Variants in SPIN1 observed in about 807,000 individuals in gnomAD.
The protein encoded by SPIN1 is spindlin-1.
In SPIN1, 3 loss-of-function variants were observed where a neutral mutation model predicts 26.0. The ratio of observed to expected loss-of-function variants is 0.12; its 90% CI spans 0.05 to 0.30. The LOEUF (loss-of-function observed/expected upper bound fraction) is 0.30, where lower values mean the gene tolerates loss of function less well. SPIN1 is among the 10% of genes least tolerant of loss of function. The pLI is 1.00. For synonymous variants in SPIN1, 101 were observed against 116.5 expected (o/e 0.87, Z 0.86); for missense variants, 126 against 333.4 (o/e 0.38, Z 4.84).
At position 88,398,378 on chromosome 9, in the gene SPIN1, T is replaced by G. The variant is rs139104694; in HGVS notation, c.-159+9840T>G. On this transcript the variant is annotated intron_variant, in intron 1 of 5. Transcript: ENST00000375859. ...GTTTTCCCACAAAGGCTGAGTTTCATGAAAGCAGAACCATTCCTGTTTTTG... is the reference window on the plus strand; with the variant it reads ...GTTTTCCCACAAAGGCTGAGTTTCAGGAAAGCAGAACCATTCCTGTTTTTG... Among the ~76,000 whole-genome samples the G allele has an allele frequency of 2.4e-3, 358 of 152,258 alleles. 1 individual carries two copies. Among genetic ancestry groups the G allele is most frequent in the African/African-American group, 8.2e-3 (339 of 41,582 alleles).
At chr9:88,399,928 C>G (rs1232452306) in intron 1 of SPIN1, among the ~76,000 whole-genome samples, 1 of 152,118 alleles carries the variant, frequency 6.6e-6, no homozygotes, top group Non-Finnish European at 1.5e-5. Flanking sequence ...TGGGTGAGAT[C>G]ATTGATTGGT....
At chr9:88,393,992 C>T (rs568472678) in intron 1 of SPIN1, among the ~76,000 whole-genome samples, 1 of 152,046 alleles carries the variant, frequency 6.6e-6, no homozygotes, top group African/African-American at 2.4e-5. Flanking sequence ...GGATTACAGG[C>T]GTGCACCACC....
At chr9:88,469,831 TGTTAGTCCATATA>T (rs1372281397) in intron 5 of SPIN1, among the ~76,000 whole-genome samples, 8 of 152,168 alleles carry the variant, frequency 5.3e-5, no homozygotes, top group Non-Finnish European at 1.0e-4. Context: ...ATTACGACCA[TGTTAGTCCATATA>T]GTTAGTCCAT....
chr9:88,453,951 A>G (rs952092308), intron 3 of SPIN1, among the ~76,000 whole-genome samples: 8 of 152,238 alleles, frequency 5.3e-5, no homozygotes, highest in Non-Finnish European at 8.8e-5. Context: ...AAACTACAAG[A>G]AAAGTTTTTT....
chr9:88,451,861 TA>T (rs1828359826), intron 3 of SPIN1, among the ~76,000 whole-genome samples: 1 of 152,168 alleles, frequency 6.6e-6, no homozygotes, highest in Non-Finnish European at 1.5e-5. Context: ...GTGCCCAGCC[TA>T]AAAGTACATC....
chr9:88,454,545 T>TAAA (rs753891366), intron 3 of SPIN1, among the ~76,000 whole-genome samples: 4 of 152,244 alleles, frequency 2.6e-5, no homozygotes, highest in Non-Finnish European at 5.9e-5. Flanking sequence ...GAAATTAAAA[T>TAAA]TTCTTTTAGG....
chr9:88,400,691 C>A (rs1827166958), intron 1 of SPIN1, among the ~76,000 whole-genome samples: 1 of 152,120 alleles, frequency 6.6e-6, no homozygotes, highest in African/African-American at 2.4e-5. Context: ...ACTAAAAATA[C>A]AAAAATTAAG....
chr9:88,453,557 A>G (rs552641362), intron 3 of SPIN1, among the ~76,000 whole-genome samples: 8 of 150,356 alleles, frequency 5.3e-5, no homozygotes, highest in Non-Finnish European at 1.2e-4. Flanking sequence ...TTTTACCGAG[A>G]TGGAGTTTTG....
At chr9:88,428,820 A>G (rs1032589385) in intron 2 of SPIN1, among the ~76,000 whole-genome samples, 4 of 152,054 alleles carry the variant, frequency 2.6e-5, no homozygotes, top group African/African-American at 9.7e-5. Flanking sequence ...GTTATTTTTT[A>G]ATGTTGTGTA....
At chr9:88,464,051 A>G (rs1208693283) in intron 4 of SPIN1, among the ~76,000 whole-genome samples, 4 of 152,184 alleles carry the variant, frequency 2.6e-5, no homozygotes, top group African/African-American at 9.7e-5. Flanking sequence ...TAGAAACTGT[A>G]CAAGTATCTC....
At chr9:88,411,768 G>T (rs1827450747) in intron 1 of SPIN1, among the ~76,000 whole-genome samples, 1 of 152,080 alleles carries the variant, frequency 6.6e-6, no homozygotes, top group Admixed American at 6.6e-5. Context: ...TCCCTCCCTT[G>T]CCTTCCAAAG....
chr9:88,389,912 C>T (rs1826882101), intron 1 of SPIN1, among the ~76,000 whole-genome samples: 1 of 151,990 alleles, frequency 6.6e-6, no homozygotes, highest in Non-Finnish European at 1.5e-5. Flanking sequence ...AGGCTTCTTC[C>T]AACCTCCCCA....
intron 3 of SPIN1, among the ~76,000 whole-genome samples, chr9:88,455,525 A>G (rs1356517871): frequency 1.3e-5 from 2 of 152,238 alleles, no homozygotes; most frequent in African/African-American, 2.4e-5. Context: ...TTTTGAAAAC[A>G]TAGGTAAACA....
chr9:88,402,810 C>T (rs1827218715), intron 1 of SPIN1, among the ~76,000 whole-genome samples: 2 of 152,030 alleles, frequency 1.3e-5, no homozygotes, highest in African/African-American at 4.8e-5. Context: ...AATTCTTTTC[C>T]TTTGGATAAA....
intron 1 of SPIN1, among the ~76,000 whole-genome samples, chr9:88,398,630 C>T (rs1250601082): frequency 1.3e-5 from 2 of 152,128 alleles, no homozygotes; most frequent in South Asian, 2.1e-4. Context: ...GGCTGGAGTG[C>T]AATGGCGCGA....
intron 1 of SPIN1, among the ~76,000 whole-genome samples, chr9:88,395,029 C>T (rs1335473227): frequency 6.6e-6 from 1 of 151,764 alleles, no homozygotes; most frequent in Non-Finnish European, 1.5e-5. Context: ...AAGATGGTCT[C>T]GATCTCCTGA....
intron 2 of SPIN1, among the ~76,000 whole-genome samples, chr9:88,441,836 TAAA>T (rs1375043200): frequency 6.7e-6 from 1 of 148,498 alleles, no homozygotes; most frequent in Non-Finnish European, 1.5e-5. Context: ...TAATATAAAA[TAAA>T]AATATGTTAC....
intron 1 of SPIN1, among the ~76,000 whole-genome samples, chr9:88,400,839 C>T (rs186036669): frequency 0.028 from 3,823 of 138,770 alleles, 126 homozygotes; most frequent in African/African-American, 0.1. Context: ...AGCGAGACTC[C>T]GCCTCAAAAA....
chr9:88,469,610 G>T (rs577031407), intron 5 of SPIN1, among the ~76,000 whole-genome samples: 6 of 152,192 alleles, frequency 3.9e-5, no homozygotes, highest in South Asian at 2.1e-4. Flanking sequence ...CGCCTCCCAC[G>T]CTCAAGCGAG....
Sources: allele counts gnomAD v4.1 joint callset (sites outside exome capture counted in the v4.1 genomes callset), GRCh38; gene constraint gnomAD v4.1.1; transcripts MANE v1.5; gene names NCBI Gene and HGNC (gene_info 2026-07-23, HGNC 2026-07-21).